PTPRB: variants seen among roughly 807,000 people sequenced by gnomAD.
PTPRB encodes the protein protein tyrosine phosphatase receptor type B, also known as receptor-type tyrosine-protein phosphatase beta.
In PTPRB, 97 loss-of-function variants were observed where a neutral mutation model predicts 238.1. The observed-to-expected ratio is 0.41, with a 90% CI of 0.35 to 0.48. The LOEUF (loss-of-function observed/expected upper bound fraction) is 0.48, where lower values mean the gene tolerates loss of function less well. Ranked by LOEUF, PTPRB falls within the 20% of genes least tolerant of loss-of-function variation. The pLI is 0.30. For missense variants in PTPRB, 2,292 were observed against 2,681.9 expected, an observed-to-expected ratio of 0.85 and a Z score of 3.21; for synonymous variants, 970 against 995.4, an observed-to-expected ratio of 0.97 and a Z score of 0.48.
At chr12:70,522,701 A>G (rs1871782301) in intron 33 of PTPRB, 1 of 127,610 alleles carries the variant, frequency 7.8e-6, no homozygotes, top group Non-Finnish European at 1.6e-5. Context: ...CATTTATAAA[A>G]TACAAAAAAA....
At chr12:70,603,954 T>C (rs775620193) in intron 4 of PTPRB, among the ~76,000 whole-genome samples, 2 of 152,208 alleles carry the variant, frequency 1.3e-5, no homozygotes, top group Non-Finnish European at 2.9e-5. Context: ...ATAATATGTA[T>C]TTCATACTGT....
intron 32 of PTPRB, among the ~76,000 whole-genome samples, chr12:70,529,076 TGA>T (rs1318098489): frequency 2.0e-5 from 3 of 151,970 alleles, no homozygotes; most frequent in Admixed American, 6.6e-5. Flanking sequence ...GAATGAAGAC[TGA>T]GAGAAAGGGT....
chr12:70,610,033 C>T lies in PTPRB; in HGVS notation c.709-694G>A, dbSNP rs551868077. Among the ~76,000 whole-genome samples the T allele has an allele frequency of 8.7e-4, 133 of 152,116 alleles. 1 individual carries two copies. The highest frequency in any genetic ancestry group is 3.1e-3 in the African/African-American group (130 of 41,556). On this transcript the variant is annotated intron_variant, in intron 3 of 33. Coordinates refer to ENST00000334414, the MANE Select transcript of PTPRB (RefSeq NM_001109754.4). ...CTGCGGACGCGAGAGGCGGCGGGGA[C>T]AGGCAGCGCGCCGCCCTTCCCACGC...
chr12:70,634,847 G>C (rs1295036539), intron 2 of PTPRB, among the ~76,000 whole-genome samples: 1 of 152,080 alleles, frequency 6.6e-6, no homozygotes, highest in Non-Finnish European at 1.5e-5. Context: ...AAGGTTCATT[G>C]GTGCCTAATA....
rs551662128 is a variant in PTPRB at position 70,620,982 on chromosome 12, A to C, written c.708+1408T>G. Among the ~76,000 whole-genome samples the C allele has an allele frequency of 1.2e-4, 18 of 152,326 alleles. 2 individuals are homozygous for C. In the South Asian group the frequency reaches 3.5e-3, roughly 30 times the overall value. ...ATGCATGTAAGAAGATTACTACTGT[A>C]ATTGTAACTTTAACTAAATTTAAAC... On this transcript the variant is annotated intron_variant, in intron 3 of 33. Transcript: ENST00000334414.
chr12:70,539,865 A>G, intron 24 of PTPRB, 21 bp from the exon 25 acceptor site: 1 of 1,576,310 alleles, frequency 6.3e-7, no homozygotes, highest in Admixed American at 1.7e-5. Flanking sequence ...AAGCCAAAAG[A>G]GGAAGACTTT....
At chr12:70,535,029 TA>T (rs1873889265) in intron 29 of PTPRB, 74 bp from the exon 30 acceptor site, 3 of 1,505,614 alleles carry the variant, frequency 2.0e-6, no homozygotes, top group African/African-American at 2.8e-5. Flanking sequence ...TTCCCTCCTC[TA>T]AATGTCTTCC....
intron 18 of PTPRB, among the ~76,000 whole-genome samples, chr12:70,557,603 C>T (rs1420427561): frequency 6.6e-6 from 1 of 152,164 alleles, no homozygotes; most frequent in African/African-American, 2.4e-5. Flanking sequence ...AGCTCTTAAA[C>T]TGAGCACCTG....
rs550743245 is a variant in PTPRB, at chr12:70,636,469, A to C, written c.56-403T>G. 3.3e-5 allele frequency among the ~76,000 whole-genome samples: 5 copies of C among 152,294 alleles called. No homozygotes were observed. The South Asian group carries it at 1.0e-3, about 32-fold the overall frequency. On this transcript the variant is annotated intron_variant, in intron 1 of 33. Coordinates refer to ENST00000334414, the MANE Select transcript of PTPRB (RefSeq NM_001109754.4). ...CCTTTTTAACCATTTGACATATTCG[A>C]TATAAGCTTCCTCCCTTACCTTAAA...
At chr12:70,558,676 A>T (rs1239047888) in intron 18 of PTPRB, 1 of 154,000 alleles carries the variant, frequency 6.5e-6, no homozygotes, top group Admixed American at 6.5e-5. Context: ...TGCCTCTTTC[A>T]ATCTATTCTC....
intron 4 of PTPRB, 54 bp downstream of exon 4, chr12:70,609,015 G>A: frequency 6.4e-7 from 1 of 1,573,702 alleles, no homozygotes; most frequent in Admixed American, 1.8e-5. Flanking sequence ...GCTTGAAAAG[G>A]CAGGGCCCAA....
At position 70,594,576 on chromosome 12, in the gene PTPRB, A is replaced by G. The variant is rs1215400380; in HGVS notation, c.1407T>C (p.His469=). The change falls in exon 6 of 34, where the codon CAT becomes CAC. Residue 469 remains histidine, a synonymous_variant. Coordinates refer to ENST00000334414, the MANE Select transcript of PTPRB (RefSeq NM_001109754.4). ...ILVHGGVVDK[H]ATSYAFHGLT... Reference sequence around the variant, plus strand: ...GCCCGTGAAAAGCATAGGAAGTAGCATGTTTGTCCACAACACCGCCATGAA... The same window carrying G: ...GCCCGTGAAAAGCATAGGAAGTAGCGTGTTTGTCCACAACACCGCCATGAA... 3 of 1,614,032 alleles carry G rather than the reference A, an allele frequency of 1.9e-6. No homozygotes were observed. The South Asian group carries it at 3.3e-5, about 18-fold the overall frequency.
chr12:70,609,784 A>G, intron 3 of PTPRB: 1 of 1,587,766 alleles, frequency 6.3e-7, no homozygotes. Flanking sequence ...AGTGTGATCC[A>G]CAAGGCCAAC....
Position 70,556,060 on chromosome 12 carries a change from A to G in PTPRB, c.4803T>C (p.Asp1601=). The change falls in exon 19 of 34, where the codon GAT becomes GAC. Residue 1601 remains aspartate, a synonymous_variant. Coordinates refer to ENST00000334414, the MANE Select transcript of PTPRB (RefSeq NM_001109754.4). ...TTTTCCGGCATTCAATACTATAACC[A>G]TCAAAGTCAGAATCAGGAGGGATCC... ...CSWIPPDSDF[D]GYSIECRKMD... is the part of the protein sequence containing the mutation. The G allele has an allele frequency of 6.2e-7, 1 of 1,613,856 alleles. No individual in the cohort carries two copies. The highest frequency in any genetic ancestry group is 8.5e-7 in the Non-Finnish European group (1 of 1,179,784).
intron 26 of PTPRB, chr12:70,539,234 T>C: frequency 1.7e-6 from 1 of 576,974 alleles, no homozygotes; most frequent in Non-Finnish European, 3.1e-6. Context: ...GGATAACTGA[T>C]GTGCCCCAGG....
In PTPRB at chr12:70,626,360, T is replaced by C. The variant is rs573796790; in HGVS notation, c.452-3714A>G. On this transcript the variant is annotated intron_variant, in intron 2 of 33. Coordinates refer to ENST00000334414, the MANE Select transcript of PTPRB (RefSeq NM_001109754.4). ...CTATCTATCTATCTATCTATCTATC[T>C]ATCTATATTCCTGCCTGCCTGCCTG... Among the ~76,000 whole-genome samples the C allele has an allele frequency of 5.6e-5, 8 of 142,988 alleles. No homozygotes were observed. The East Asian group carries it at 1.4e-3, about 25-fold the overall frequency. The allele number at this position is 142,988 out of a possible 152,430, so 93.8% of individuals were successfully genotyped here.
At chr12:70,619,839 C>A (rs888705929) in intron 3 of PTPRB, among the ~76,000 whole-genome samples, 3 of 152,206 alleles carry the variant, frequency 2.0e-5, no homozygotes, top group African/African-American at 7.2e-5. Flanking sequence ...TTCTAGGCAT[C>A]CTCTGTCGAG....
chr12:70,552,665 TGTAAC>T, intron 21 of PTPRB, 107 bp downstream of exon 21: 1 of 1,362,226 alleles, frequency 7.3e-7, no homozygotes, highest in East Asian at 2.3e-5. Context: ...ACAGTACTCT[TGTAAC>T]GTAGGTTATT....
chr12:70,516,803 T>A lies in PTPRB; in HGVS notation c.*4686A>T, dbSNP rs778173574. The A allele has an allele frequency of 1.3e-5, 2 of 152,344 alleles. No homozygotes were observed. The highest frequency in any genetic ancestry group is 6.5e-5 in the Admixed American group (1 of 15,294). 9.4% of individuals were successfully genotyped at this position (152,344 alleles called of 1,614,324 possible). ...ATTGGCATAGAGGTTATAAAAATAA[T>A]CTTTGGTAAACCTGTTAATCTCTTA... On this transcript the variant is annotated 3_prime_UTR_variant, in exon 34 of 34. Coordinates refer to ENST00000334414, the MANE Select transcript of PTPRB (RefSeq NM_001109754.4).
Sources: gnomAD v4.1 joint callset for allele counts (sites outside exome capture counted in the v4.1 genomes callset) on GRCh38, gnomAD v4.1.1 for gene constraint, MANE v1.5 for transcripts, NCBI Gene and HGNC (gene_info 2026-07-23, HGNC 2026-07-21) for gene names.